The following GALNT16 variants were observed in gnomAD, a reference collection of about 807,000 sequenced individuals.
GALNT16 encodes UDP-GalNAc:polypeptide N-acetylgalactosaminyltransferase-like protein 1.
A neutral mutation model predicts 76.1 loss-of-function variants in GALNT16; 40 were observed. That is an observed-to-expected ratio of 0.53 (90% CI 0.41 to 0.68). The LOEUF (loss-of-function observed/expected upper bound fraction) is 0.68. Among genes scored for constraint, GALNT16 ranks in the 30% least tolerant of loss-of-function variants. The probability of loss-of-function intolerance (pLI) is 0.00; values close to 1 mark genes in which losing one functional copy is unlikely to be tolerated. For missense variants in GALNT16, 621 were observed against 731.9 expected, an observed-to-expected ratio of 0.85 and a Z score of 1.75; for synonymous variants, 276 against 285.2, an observed-to-expected ratio of 0.97 and a Z score of 0.32.
In GALNT16 at chr14:69,261,213, G is replaced by A. The variant is rs996924471; in HGVS notation, c.177+746G>A. On this transcript the variant is annotated intron_variant, in intron 1 of 14. Transcript: ENST00000448469. The surrounding 1 kb of genome is among the most constrained non-coding windows in gnomAD (Gnocchi z 6.4). ...GGAAACAAAGGCAGTGTGGCACAGC[G>A]GGGGCGGCGGCGGGGCTGCGGGGGC... Among the ~76,000 whole-genome samples the A allele has an allele frequency of 3.9e-5, 6 of 151,912 alleles. No individual in the cohort carries two copies. Among genetic ancestry groups the A allele is most frequent in the African/African-American group, 1.5e-4 (6 of 41,330 alleles).
chr14:69,327,687 C>G (rs2045303189), intron 5 of GALNT16, among the ~76,000 whole-genome samples: 1 of 152,192 alleles, frequency 6.6e-6, no homozygotes, highest in African/African-American at 2.4e-5. Flanking sequence ...ACTCAGAGCT[C>G]TAAGAGTGAG....
In GALNT16 at chr14:69,322,973, TGTGTGTGTGCGCGCGCACGC is replaced by T. The variant is rs1381175532; in HGVS notation, c.336-1717_336-1698del. ...GTGTGTGTGTGTGTGTGTGTGTGTG[TGTGTGTGTGCGCGCGCACGC>T]GCGCACGCATGCACACGTGTAGGGA... On this transcript the variant is annotated intron_variant, in intron 2 of 14. Coordinates refer to ENST00000448469, the MANE Select transcript of GALNT16 (RefSeq NM_001168368.2). Among the ~76,000 whole-genome samples, 5 of 50,958 alleles carry T rather than the reference TGTGTGTGTGCGCGCGCACGC, an allele frequency of 9.8e-5. 1 individual carries two copies. Among genetic ancestry groups the T allele is most frequent in the African/African-American group, 9.2e-4 (5 of 5,442 alleles). The allele number at this position is 50,958 out of a possible 152,430, so 33.4% of individuals were successfully genotyped here.
At chr14:69,359,875 A>T (rs924531419), downstream of GALNT16, among the ~76,000 whole-genome samples, 1 of 151,828 alleles carries the variant, frequency 6.6e-6, no homozygotes, top group Non-Finnish European at 1.5e-5. Flanking sequence ...AAATACAAAA[A>T]ATTATCCAGG....
chr14:69,322,955 TGTGTGTGTGTGTGTGTGTGTGTGTGTGC>T (rs1414426346), intron 2 of GALNT16, among the ~76,000 whole-genome samples: 1 of 71,274 alleles, frequency 1.4e-5, no homozygotes, highest in African/African-American at 1.1e-4. Flanking sequence ...TGTGTGTGTG[TGTGTGTGTGTGTGTGTGTGTGTGTGTGC>T]GCGCGCACGC....
the GALNT16 span, chr14:69,380,529 C>T: frequency 9.2e-7 from 1 of 1,083,020 alleles, no homozygotes; most frequent in Non-Finnish European, 1.4e-6. Context: ...CCCAGTGCTT[C>T]CAACACAATT....
Position 69,351,826 on chromosome 14 carries a change from T to G in GALNT16, c.1540-205T>G. On this transcript the variant is annotated intron_variant, in intron 14 of 14. Coordinates refer to ENST00000448469, the MANE Select transcript of GALNT16 (RefSeq NM_001168368.2). ...TACTCAGAGGCTGAGGCAAGAGGAT[T>G]GCTTGAACTCAGGAGTTCGAGGCTG... The G allele has an allele frequency of 7.8e-6, 4 of 510,162 alleles. No homozygotes were observed. The South Asian group carries it at 1.0e-4, about 13-fold the overall frequency. The allele number at this position is 510,162 out of a possible 1,614,324, so 31.6% of individuals were successfully genotyped here.
At chr14:69,364,940 T>C in the GALNT16 span, among the ~76,000 whole-genome samples, 1 of 152,318 alleles carries the variant, frequency 6.6e-6, no homozygotes, top group Non-Finnish European at 1.5e-5. This position sits in a 1 kb window ranked among gnomAD's most constrained non-coding sequence, Gnocchi z 4.2. Context: ...GACACTATTA[T>C]GATATCCATT....
At chr14:69,377,599 G>C in the GALNT16 span, among the ~76,000 whole-genome samples, 4 of 151,892 alleles carry the variant, frequency 2.6e-5, no homozygotes, top group African/African-American at 9.7e-5. Flanking sequence ...TTGAGTCCAG[G>C]ATCTCAAGAC....
chr14:69,367,150 G>C, the GALNT16 span, among the ~76,000 whole-genome samples: 1 of 152,128 alleles, frequency 6.6e-6, no homozygotes, highest in South Asian at 2.1e-4. Flanking sequence ...GCGGATTTTT[G>C]GGGGCTGAGT....
chr14:69,316,342 T>A (rs2045100323), intron 1 of GALNT16, among the ~76,000 whole-genome samples: 1 of 152,172 alleles, frequency 6.6e-6, no homozygotes, highest in African/African-American at 2.4e-5. Context: ...TCACCAAGGT[T>A]TTTCTCTGGG....
the GALNT16 span, among the ~76,000 whole-genome samples, chr14:69,371,954 A>T: frequency 8.5e-5 from 13 of 152,262 alleles, no homozygotes; most frequent in East Asian, 1.2e-3. Flanking sequence ...AAAAAATAAA[A>T]AAATAAATAA....
intron 1 of GALNT16, among the ~76,000 whole-genome samples, chr14:69,307,277 C>T (rs1040959655): frequency 7.2e-5 from 11 of 152,170 alleles, no homozygotes; most frequent in African/African-American, 2.4e-4. Context: ...ACGTGACAAA[C>T]GTACCTCGAG....
chr14:69,328,755 T>C (rs1210178970), intron 6 of GALNT16, among the ~76,000 whole-genome samples, 184 bp downstream of exon 6: 1 of 152,228 alleles, frequency 6.6e-6, no homozygotes, highest in Non-Finnish European at 1.5e-5. Context: ...ATAATTGTCA[T>C]AATTATCCCA....
chr14:69,374,880 G>C, the GALNT16 span, among the ~76,000 whole-genome samples: 1 of 152,210 alleles, frequency 6.6e-6, no homozygotes, highest in African/African-American at 2.4e-5. Flanking sequence ...GCAAGAAAGA[G>C]AGCAGGGGGA....
chr14:69,347,792 G>C, intron 13 of GALNT16, 85 bp from the exon 14 acceptor site: 1 of 1,405,308 alleles, frequency 7.1e-7, no homozygotes, highest in South Asian at 1.2e-5. Flanking sequence ...AAAATATGCC[G>C]TGTTTTTGCT....
intron 1 of GALNT16, among the ~76,000 whole-genome samples, chr14:69,262,146 C>T (rs1244904527): frequency 6.6e-6 from 1 of 152,178 alleles, no homozygotes; most frequent in Admixed American, 6.5e-5. Flanking sequence ...TGGCCAGATG[C>T]TCTGTCCCTC....
chr14:69,371,330 T>C, the GALNT16 span, among the ~76,000 whole-genome samples: 1 of 152,116 alleles, frequency 6.6e-6, no homozygotes, highest in Non-Finnish European at 1.5e-5. Flanking sequence ...CTCAGCTCAC[T>C]GCAACCTCCC....
intron 1 of GALNT16, among the ~76,000 whole-genome samples, chr14:69,284,361 A>C (rs779380981): frequency 2.0e-5 from 3 of 152,064 alleles, no homozygotes; most frequent in Non-Finnish European, 4.4e-5. Context: ...ATAAGGAGGC[A>C]CTCCCAGCAG....
At chr14:69,366,734 C>T in the GALNT16 span, among the ~76,000 whole-genome samples, 1 of 152,178 alleles carries the variant, frequency 6.6e-6, no homozygotes, top group Non-Finnish European at 1.5e-5. Flanking sequence ...GAGAGTAATT[C>T]CCTGATACCA....
Sources: gnomAD v4.1 joint callset for allele counts (sites outside exome capture counted in the v4.1 genomes callset) on GRCh38, gnomAD v4.1.1 for gene constraint, Gnocchi (gnomAD v3.1) non-coding constraint, MANE v1.5 for transcripts, NCBI Gene and HGNC (gene_info 2026-07-23, HGNC 2026-07-21) for gene names.